The following MTMR8 variants were observed in gnomAD, a reference collection of about 807,000 sequenced individuals.
MTMR8 encodes myotubularin related protein 8, also known as phosphatidylinositol-3,5-bisphosphate 3-phosphatase MTMR8.
A neutral mutation model predicts 39.3 loss-of-function variants in MTMR8; 65 were observed. That is an observed-to-expected ratio of 1.65 (90% confidence interval 1.35 to 2.03). The LOEUF (loss-of-function observed/expected upper bound fraction) is 2.03, where lower values mean the gene tolerates loss of function less well. Ranked by LOEUF, MTMR8 falls within the 30% of genes most tolerant of loss-of-function variation. MTMR8 has a pLI of 0.00. For synonymous variants in MTMR8, 245 were observed against 185.2 expected, an observed-to-expected ratio of 1.32 and a Z score of -2.62; for missense variants, 777 against 538.9, an observed-to-expected ratio of 1.44 and a Z score of -4.37.
At chrX:64,389,462 A>C (rs1404642073) in intron 1 of MTMR8, among the ~76,000 whole-genome samples, 1 of 112,458 alleles carries the variant, frequency 8.9e-6, no homozygotes, top group Non-Finnish European at 1.9e-5. Context: ...TTCTAGGAGT[A>C]ACTGCTTAGT....
intron 12 of MTMR8, among the ~76,000 whole-genome samples, chrX:64,279,005 G>A (rs768565024): frequency 4.4e-4 from 48 of 108,531 alleles, no homozygotes; most frequent in African/African-American, 8.3e-4. Flanking sequence ...GGTGTCTGTC[G>A]ACTCCTGCTG....
chrX:64,385,951 G>A (rs1336277703), intron 1 of MTMR8, among the ~76,000 whole-genome samples: 4 of 111,187 alleles, frequency 3.6e-5, no homozygotes, highest in Non-Finnish European at 7.5e-5. Context: ...CCAATAGGGA[G>A]TCACTCAAGT....
chrX:64,365,502 G>A (rs1023343273), intron 1 of MTMR8, among the ~76,000 whole-genome samples: 1 of 111,841 alleles, frequency 8.9e-6, no homozygotes, highest in African/African-American at 3.3e-5. Context: ...TTCATGTCCA[G>A]CCAAACTAAG....
chrX:64,393,404 T>C (rs1924741509), intron 1 of MTMR8, among the ~76,000 whole-genome samples: 1 of 112,169 alleles, frequency 8.9e-6, no homozygotes, highest in African/African-American at 3.2e-5. Context: ...TCCCTTCCAA[T>C]TTCCATAGAG....
At position 64,337,408 on chromosome X, in the gene MTMR8, G is replaced by A. The variant is rs1223675169; in HGVS notation, c.976-15C>T. ...ACCTTCACTGCCTGTGAAGACAAGA[G>A]GCAAAAAAGTACCACAAGCAACCTT... is the stretch of plus-strand genomic sequence containing the variant. On this transcript the variant is annotated splice_polypyrimidine_tract_variant and intron_variant, in intron 8 of 13. Transcript: ENST00000374852. The A allele has an allele frequency of 8.3e-7, 1 of 1,203,601 alleles. No individual in the cohort carries two copies.
At chrX:64,339,387 C>G (rs1012415485) in intron 8 of MTMR8, among the ~76,000 whole-genome samples, 3 of 110,532 alleles carry the variant, frequency 2.7e-5, no homozygotes, top group African/African-American at 9.9e-5. Flanking sequence ...ACAGAGAGGT[C>G]AAAATAGAGT....
chrX:64,300,879 TC>T (rs1569214118), intron 12 of MTMR8, among the ~76,000 whole-genome samples: 2 of 110,940 alleles, frequency 1.8e-5, no homozygotes, highest in Non-Finnish European at 1.9e-5. Context: ...GAAAATTCTT[TC>T]CTTTAAGAAT....
intron 12 of MTMR8, among the ~76,000 whole-genome samples, chrX:64,328,484 C>G (rs1922855761): frequency 9.0e-6 from 1 of 111,306 alleles, no homozygotes; most frequent in African/African-American, 3.3e-5. Context: ...GTAGAAGATA[C>G]AGAGGAAGAG....
At chrX:64,328,554 T>C (rs982609602) in intron 12 of MTMR8, among the ~76,000 whole-genome samples, 1 of 111,588 alleles carries the variant, frequency 9.0e-6, no homozygotes, top group African/African-American at 3.3e-5. Context: ...AACTATAATT[T>C]CTTATTTATT....
intron 12 of MTMR8, among the ~76,000 whole-genome samples, chrX:64,310,958 C>T (rs1922278098): frequency 8.9e-6 from 1 of 111,789 alleles, no homozygotes; most frequent in Non-Finnish European, 1.9e-5. Flanking sequence ...CCACAATATA[C>T]ATACGTGTGC....
intron 12 of MTMR8, among the ~76,000 whole-genome samples, chrX:64,286,821 T>G (rs1432798364): frequency 9.0e-6 from 1 of 111,295 alleles, no homozygotes; most frequent in Non-Finnish European, 1.9e-5. Flanking sequence ...CTCAAAATAA[T>G]AAGAGCTATT....
At chrX:64,298,225 T>A (rs1314035450) in intron 12 of MTMR8, among the ~76,000 whole-genome samples, 3 of 104,627 alleles carry the variant, frequency 2.9e-5, no homozygotes, top group Non-Finnish European at 5.9e-5. Flanking sequence ...CGTGGAATGT[T>A]CTTCCATTTG....
chrX:64,321,254 G>C (rs1312999282), intron 12 of MTMR8, among the ~76,000 whole-genome samples: 1 of 112,016 alleles, frequency 8.9e-6, no homozygotes, highest in Non-Finnish European at 1.9e-5. Flanking sequence ...TATTAGACTT[G>C]CTAGTCAACA....
chrX:64,338,488 G>A (rs1251526473), intron 8 of MTMR8, among the ~76,000 whole-genome samples: 1 of 112,176 alleles, frequency 8.9e-6, no homozygotes, highest in African/African-American at 3.2e-5. Context: ...ACATTGCAAG[G>A]AGGCATGACA....
intron 4 of MTMR8, among the ~76,000 whole-genome samples, chrX:64,352,842 C>T (rs930015289): frequency 3.6e-5 from 4 of 111,466 alleles, no homozygotes; most frequent in Non-Finnish European, 7.5e-5. Context: ...CTCCAGCAAA[C>T]GAATTCTCCA....
chrX:64,379,010 G>A (rs777881076), intron 1 of MTMR8, among the ~76,000 whole-genome samples: 1 of 111,792 alleles, frequency 8.9e-6, no homozygotes, highest in Non-Finnish European at 1.9e-5. Flanking sequence ...ATAACTGTAT[G>A]TCCACAAATT....
rs188917989 is a variant in MTMR8 at position 64,285,158 on chromosome X, G to A, written c.1482-14085C>T. Among the ~76,000 whole-genome samples the A allele has an allele frequency of 1.7e-3, 190 of 111,390 alleles. 1 individual carries two copies. The highest frequency in any genetic ancestry group is 3.2e-3 in the Non-Finnish European group (169 of 53,104). ...CCAAGCAAATGGAAAACAAAAAAAGGCAGGGTTTGCAATCCTAGTCTCTGA... is the reference window on the plus strand; with the variant it reads ...CCAAGCAAATGGAAAACAAAAAAAGACAGGGTTTGCAATCCTAGTCTCTGA... On this transcript the variant is annotated intron_variant, in intron 12 of 13. Transcript: ENST00000374852.
chrX:64,287,513 T>A (rs1007009709), intron 12 of MTMR8, among the ~76,000 whole-genome samples: 3 of 111,069 alleles, frequency 2.7e-5, no homozygotes, highest in Non-Finnish European at 5.7e-5. Context: ...GCCAAGTCAA[T>A]CCTAAGCCAA....
chrX:64,283,620 A>G (rs1479363162), intron 12 of MTMR8, among the ~76,000 whole-genome samples: 1 of 112,072 alleles, frequency 8.9e-6, no homozygotes, highest in African/African-American at 3.2e-5. Flanking sequence ...CCCCTCTGAG[A>G]TGAAACCTCC....
Sources: allele counts gnomAD v4.1 joint callset (sites outside exome capture counted in the v4.1 genomes callset), GRCh38; gene constraint gnomAD v4.1.1; transcripts MANE v1.5; gene names NCBI Gene and HGNC (gene_info 2026-07-23, HGNC 2026-07-21).